CPSF3: variants seen among roughly 807,000 people sequenced by gnomAD.
CPSF3 encodes cleavage and polyadenylation specificity factor subunit 3.
CPSF3 carries 57 observed loss-of-function variants against 84.1 expected under a neutral mutation model. The observed-to-expected ratio is 0.68, with a 90% CI of 0.55 to 0.85. The LOEUF (loss-of-function observed/expected upper bound fraction) is 0.85. Ranked by LOEUF, CPSF3 falls within the 40% of genes least tolerant of loss-of-function variation. The pLI is 0.00. For synonymous variants in CPSF3, 275 were observed against 278.1 expected, an observed-to-expected ratio of 0.99 and a Z score of 0.11; for missense variants, 522 against 838.8, an observed-to-expected ratio of 0.62 and a Z score of 4.66.
At chr2:9,456,307 T>G (rs1681525092) in intron 13 of CPSF3, among the ~76,000 whole-genome samples, 1 of 152,228 alleles carries the variant, frequency 6.6e-6, no homozygotes, top group Non-Finnish European at 1.5e-5. Context: ...TTAAAAGGTG[T>G]AGACTTTCTG....
intron 1 of CPSF3, among the ~76,000 whole-genome samples, chr2:9,426,961 TGAG>T (rs1352275211): frequency 6.6e-6 from 1 of 151,516 alleles, no homozygotes; most frequent in African/African-American, 2.4e-5. Context: ...TATAGCGAAT[TGAG>T]GAGCGAGTAG....
intron 3 of CPSF3, 68 bp from the exon 4 acceptor site, chr2:9,430,684 A>C: frequency 1.4e-6 from 2 of 1,458,154 alleles, no homozygotes; most frequent in Non-Finnish European, 1.9e-6. Flanking sequence ...ACAGTAAGCA[A>C]CAGTTTCATT....
intron 10 of CPSF3, among the ~76,000 whole-genome samples, chr2:9,446,729 C>T (rs1321484230): frequency 6.6e-6 from 1 of 152,012 alleles, no homozygotes; most frequent in South Asian, 2.1e-4. Context: ...TGCACTCCAG[C>T]CTGGGTGGCA....
chr2:9,447,400 T>A (rs191000401), intron 10 of CPSF3, among the ~76,000 whole-genome samples: 9 of 149,882 alleles, frequency 6.0e-5, no homozygotes, highest in Admixed American at 1.3e-4. Context: ...GATTGCTTGA[T>A]CCCTGGAGGT....
chr2:9,468,911 C>A (rs1327398695), intron 16 of CPSF3, among the ~76,000 whole-genome samples: 1 of 152,168 alleles, frequency 6.6e-6, no homozygotes, highest in South Asian at 2.1e-4. Flanking sequence ...GAGGTGTGAA[C>A]CCCCGTGCCC....
intron 13 of CPSF3, 29 bp from the exon 14 acceptor site, chr2:9,456,904 T>C: frequency 7.6e-7 from 1 of 1,319,726 alleles, no homozygotes; most frequent in Non-Finnish European, 1.1e-6. Context: ...GAAAAGTATA[T>C]ACATCTTATA....
At chr2:9,435,361 T>C (rs2148938226) in intron 6 of CPSF3, among the ~76,000 whole-genome samples, 1 of 152,130 alleles carries the variant, frequency 6.6e-6, no homozygotes, top group Non-Finnish European at 1.5e-5. Context: ...AAAAAGGACA[T>C]GGGAAGAAGA....
At chr2:9,465,981 G>T (rs1681893788) in intron 15 of CPSF3, among the ~76,000 whole-genome samples, 1 of 152,074 alleles carries the variant, frequency 6.6e-6, no homozygotes, top group African/African-American at 2.4e-5. Flanking sequence ...ATAAAGTGTA[G>T]AATTCAATGA....
intron 15 of CPSF3, among the ~76,000 whole-genome samples, chr2:9,465,265 T>G (rs1681861557): frequency 6.6e-6 from 1 of 152,090 alleles, no homozygotes; most frequent in Non-Finnish European, 1.5e-5. Context: ...GAAATCATAA[T>G]TTTTGAAGTC....
Position 9,471,441 on chromosome 2 carries a change from T to C in CPSF3, c.1953+2T>C. 1 of 1,556,282 alleles carries C rather than the reference T, an allele frequency of 6.4e-7. No individual in the cohort carries two copies. The highest frequency in any genetic ancestry group is 2.2e-5 in the East Asian group (1 of 44,546). On this transcript the variant is annotated splice_donor_variant, in intron 17 of 17. Transcript: ENST00000238112. LOFTEE classifies it high-confidence loss of function. The stretch of plus-strand genomic sequence containing the variant: ...GCCAACCTTAACTTGGAGACACGGG[T>C]ATGTAGCTGCTCTTTCCTACGTTTC...
At chr2:9,442,853 C>CAAAAAAAA (rs1217742306) in intron 9 of CPSF3, among the ~76,000 whole-genome samples, 1 of 101,478 alleles carries the variant, frequency 9.9e-6, no homozygotes, top group Non-Finnish European at 2.1e-5. Context: ...ACTCCATCTC[C>CAAAAAAAA]AAAAAAAAAA....
intron 14 of CPSF3, among the ~76,000 whole-genome samples, chr2:9,458,719 A>G (rs1681619673): frequency 6.6e-6 from 1 of 152,162 alleles, no homozygotes; most frequent in Non-Finnish European, 1.5e-5. Flanking sequence ...TAGATAATAT[A>G]TTTTTGTTCC....
intron 15 of CPSF3, among the ~76,000 whole-genome samples, chr2:9,460,248 T>G (rs1681689081): frequency 6.6e-6 from 1 of 151,914 alleles, no homozygotes; most frequent in Non-Finnish European, 1.5e-5. Context: ...GCTAACACGG[T>G]GAAACCTCGT....
chr2:9,432,882 C>G (rs1680641776), intron 5 of CPSF3, among the ~76,000 whole-genome samples, 194 bp downstream of exon 5: 1 of 151,944 alleles, frequency 6.6e-6, no homozygotes, highest in African/African-American at 2.4e-5. Flanking sequence ...CTTTCTTTAT[C>G]AAGACTGAGG....
chr2:9,466,180 G>C (rs1023649240), intron 15 of CPSF3, among the ~76,000 whole-genome samples: 15 of 150,210 alleles, frequency 1.0e-4, no homozygotes, highest in African/African-American at 3.0e-4. Flanking sequence ...GTCTCTACAC[G>C]CACACACACA....
At chr2:9,466,252 ACACACGCACACAAAGACGCACG>A (rs879570162) in intron 15 of CPSF3, among the ~76,000 whole-genome samples, 25,674 of 139,910 alleles carry the variant, frequency 0.18, 2,236 homozygotes, top group Middle Eastern at 0.29. Flanking sequence ...ACGCACGCGC[ACACACGCACACAAAGACGCACG>A]CACACACGTG....
chr2:9,429,491 A>G (rs1057279153), intron 2 of CPSF3, among the ~76,000 whole-genome samples: 2 of 152,218 alleles, frequency 1.3e-5, no homozygotes, highest in African/African-American at 2.4e-5. Context: ...AGTCTTAAGA[A>G]TTTGTTCCCT....
chr2:9,426,047 T>C (rs1402266153), intron 1 of CPSF3, among the ~76,000 whole-genome samples: 2 of 152,256 alleles, frequency 1.3e-5, no homozygotes, highest in African/African-American at 4.8e-5. Context: ...GCATAATCTT[T>C]CCAAGGTTCA....
chr2:9,458,208 AC>A (rs1487447639), intron 14 of CPSF3, among the ~76,000 whole-genome samples: 1 of 151,962 alleles, frequency 6.6e-6, no homozygotes, highest in Non-Finnish European at 1.5e-5. Flanking sequence ...GTTCGAGACC[AC>A]CCTAGCCAAC....
Sources: gnomAD v4.1 joint callset for allele counts (sites outside exome capture counted in the v4.1 genomes callset) on GRCh38, gnomAD v4.1.1 for gene constraint, MANE v1.5 for transcripts, NCBI Gene and HGNC (gene_info 2026-07-23, HGNC 2026-07-21) for gene names.